The following CERS5 variants were observed in gnomAD, a reference collection of about 807,000 sequenced individuals.
The protein encoded by CERS5 is LAG1 homolog, ceramide synthase 5.
A neutral mutation model predicts 58.9 loss-of-function variants in CERS5; 37 were observed. The observed-to-expected ratio is 0.63, with a 90% CI of 0.48 to 0.83. The LOEUF (loss-of-function observed/expected upper bound fraction) is 0.83. Among genes scored for constraint, CERS5 ranks in the 40% least tolerant of loss-of-function variants. CERS5 has a pLI of 0.00. For missense variants in CERS5, 398 were observed against 489.3 expected, an observed-to-expected ratio of 0.81 and a Z score of 1.76; for synonymous variants, 147 against 177.8, an observed-to-expected ratio of 0.83 and a Z score of 1.38.
rs1939451822 is a variant in CERS5 at position 50,162,794 on chromosome 12, G to T, written c.197+4307C>A. ...AATTTTTGTATTTTTAGTAGAGATG[G>T]GGTTTCACCATGTTAGCCAGGTTGG... On this transcript the variant is annotated intron_variant, in intron 1 of 9. Coordinates refer to ENST00000317551, the MANE Select transcript of CERS5 (RefSeq NM_147190.5). Among the ~76,000 whole-genome samples the T allele has an allele frequency of 2.0e-5, 3 of 152,186 alleles. No homozygotes were observed. In the South Asian group the frequency reaches 6.2e-4, roughly 32 times the overall value.
intron 1 of CERS5, among the ~76,000 whole-genome samples, chr12:50,163,698 T>C (rs1939556459): frequency 1.3e-5 from 2 of 152,042 alleles, no homozygotes; most frequent in African/African-American, 2.4e-5. Flanking sequence ...CAGGCTGAAG[T>C]ACAGTGGTTT....
chr12:50,155,057 C>T (rs754103588), intron 1 of CERS5, among the ~76,000 whole-genome samples: 4 of 151,936 alleles, frequency 2.6e-5, no homozygotes, highest in Non-Finnish European at 5.9e-5. Flanking sequence ...GGGGTTTCAC[C>T]GTGTTGGCCA....
At chr12:50,156,328 T>C (rs1256565515) in intron 1 of CERS5, among the ~76,000 whole-genome samples, 1 of 146,786 alleles carries the variant, frequency 6.8e-6, no homozygotes, top group East Asian at 2.0e-4. Flanking sequence ...GGCGTGAACC[T>C]GGGAGGCAGA....
chr12:50,148,503 G>T, intron 1 of CERS5: 1 of 320,382 alleles, frequency 3.1e-6, no homozygotes, highest in Non-Finnish European at 6.5e-6. Flanking sequence ...AGGCTGAGGT[G>T]AGAGGATCTC....
At chr12:50,138,475 G>A (rs538712530) in intron 5 of CERS5, 92 bp downstream of exon 5, 175 of 1,019,476 alleles carry the variant, frequency 1.7e-4, no homozygotes, top group Non-Finnish European at 2.4e-4. Context: ...CCAAGGAAAC[G>A]CACCATCTGT....
chr12:50,151,663 C>A (rs542909849), intron 1 of CERS5, among the ~76,000 whole-genome samples: 1 of 152,288 alleles, frequency 6.6e-6, no homozygotes, highest in African/African-American at 2.4e-5. Context: ...TTATTAAACA[C>A]CCACTTTGAG....
At chr12:50,143,757 G>C (rs549305878) in intron 2 of CERS5, 195 bp downstream of exon 2, 1 of 511,070 alleles carries the variant, frequency 2.0e-6, no homozygotes, top group Non-Finnish European at 3.5e-6. Flanking sequence ...TACTACGTAC[G>C]TAAACTTGAC....
At position 50,130,593 on chromosome 12, in the gene CERS5, G is replaced by C. The variant is rs1004000453; in HGVS notation, c.1131C>G (p.Ala377=). The C allele has an allele frequency of 1.2e-6, 2 of 1,612,464 alleles. No individual in the cohort carries two copies. Among genetic ancestry groups the C allele is most frequent in the African/African-American group, 2.7e-5 (2 of 74,906 alleles). ...SPCDSSSSNG[A]NRVNGHMGGS... ...CTCCCATGTGACCATTCACCCGATT[G>C]GCACCATTGCTGGAGCTACTGTCAC... is the stretch of plus-strand genomic sequence containing the variant. The change falls in exon 10 of 10, where the codon GCC becomes GCG. Residue 377 remains alanine (A), a synonymous_variant. Transcript: ENST00000317551.
At chr12:50,132,837 G>A (rs762262464) in intron 9 of CERS5, 297 of 1,151,138 alleles carry the variant, frequency 2.6e-4, no homozygotes, top group East Asian at 4.2e-4. Flanking sequence ...TAATGGCCCC[G>A]AAAAGTCAGG....
At position 50,136,047 on chromosome 12, in the gene CERS5, T is replaced by G. The variant is rs145289538; in HGVS notation, c.659A>C (p.His220Pro). The change falls in exon 7 of 10, where the codon CAT becomes CCT. Residue 220 changes from histidine (H) to proline (P), a missense_variant. By Grantham distance (77) the His-to-Pro change is moderately conservative (BLOSUM62 -2). This residue lies in a region of CERS5 where 328 missense variants were observed against 384.5 expected (regional missense o/e 0.85). Coordinates refer to ENST00000317551, the MANE Select transcript of CERS5 (RefSeq NM_147190.5). The part of the protein sequence containing the change: ...KRKDFLIMFV[H>P]HLVTIGLISF... Reference sequence around the variant, plus strand: ...GATAAGCCCAATGGTGACCAAGTGATGCACAAACATGATCAGGAAGTCCTA... The same window carrying G: ...GATAAGCCCAATGGTGACCAAGTGAGGCACAAACATGATCAGGAAGTCCTA... 2.0e-6 allele frequency: 3 copies of G among 1,501,268 alleles called. No individual in the cohort carries two copies. The highest frequency in any genetic ancestry group is 2.7e-6 in the Non-Finnish European group (3 of 1,128,146). 93.0% of individuals were successfully genotyped at this position (1,501,268 alleles called of 1,614,324 possible). A position where few individuals can be genotyped will look rare whatever the true frequency, so the allele number is the denominator to read the frequency against.
At chr12:50,132,955 C>A in intron 9 of CERS5, 1 of 1,288,964 alleles carries the variant, frequency 7.8e-7, no homozygotes, top group Non-Finnish European at 1.0e-6. Flanking sequence ...AGCACAGATA[C>A]ACTTACATGC....
chr12:50,134,569 A>G lies in CERS5; in HGVS notation c.1006T>C (p.Leu336=). 6.2e-7 allele frequency: 1 copy of G among 1,614,150 alleles called. No individual in the cohort carries two copies. The highest frequency in any genetic ancestry group is 8.5e-7 in the Non-Finnish European group (1 of 1,180,024). ...IWSYLIARIA[L]KALIRGKVSK... is the part of the protein sequence containing the mutation. ...ACCTTTCCCCTGATCAAGGCTTTCA[A>G]AGCAATCCGTGCAATTAGGTAGGAC... The change falls in exon 9 of 10, where the codon TTG becomes CTG. Residue 336 remains leucine (L), a synonymous_variant. Coordinates refer to ENST00000317551, the MANE Select transcript of CERS5 (RefSeq NM_147190.5).
intron 1 of CERS5, among the ~76,000 whole-genome samples, chr12:50,149,137 T>C (rs1381486360): frequency 6.6e-6 from 1 of 151,970 alleles, no homozygotes; most frequent in African/African-American, 2.4e-5. Context: ...GATCATAGTT[T>C]GAAAACTGCT....
At position 50,134,070 on chromosome 12, in the gene CERS5, T is replaced by TGAA. The variant is rs796165226; in HGVS notation, c.1029+473_1029+475dup. 9.0e-3 allele frequency: 232 copies of TGAA among 25,790 alleles called. No individual in the cohort carries two copies. The African/African-American group carries it at 0.17, about 19-fold the overall frequency. 1.6% of individuals were successfully genotyped at this position (25,790 alleles called of 1,614,324 possible). A position where few individuals can be genotyped will look rare whatever the true frequency, so the allele number is the denominator to read the frequency against. On this transcript the variant is annotated intron_variant, in intron 9 of 9. Transcript: ENST00000317551. ...CTGGGCAACAGAGCGAGATTCCATC[T>TGAA]GAAAAAAAAAAAAAAAAAAGGTAAA...
At chr12:50,135,231 CAGGG>C (rs1457884655) in intron 8 of CERS5, among the ~76,000 whole-genome samples, 2 of 35,470 alleles carry the variant, frequency 5.6e-5, no homozygotes, top group African/African-American at 2.7e-4. Context: ...GAGAGGAGGA[CAGGG>C]AGGGAGAGAG....
At position 50,156,567 on chromosome 12, in the gene CERS5, C is replaced by A. The variant is rs141766902; in HGVS notation, c.197+10534G>T. Among the ~76,000 whole-genome samples, 14 of 151,148 alleles carry A rather than the reference C, an allele frequency of 9.3e-5. 1 individual carries two copies. Among genetic ancestry groups the A allele is most frequent in the East Asian group, 3.9e-4 (2 of 5,156 alleles). On this transcript the variant is annotated intron_variant, in intron 1 of 9. Coordinates refer to ENST00000317551, the MANE Select transcript of CERS5 (RefSeq NM_147190.5). ...TCATGATCATGCCATTGCATTCCAG[C>A]GTGGCTGACAGAGTGAAGCTTAATA...
chr12:50,133,302 C>T, intron 9 of CERS5: 5 of 1,071,918 alleles, frequency 4.7e-6, no homozygotes, highest in South Asian at 2.9e-5. Flanking sequence ...CCTTTGACTA[C>T]AGTCTGACTG....
intron 1 of CERS5, among the ~76,000 whole-genome samples, chr12:50,150,156 T>A (rs1005868912): frequency 2.6e-5 from 4 of 152,180 alleles, no homozygotes; most frequent in African/African-American, 9.6e-5. Flanking sequence ...GAACAGGAGT[T>A]TAAGACCAGT....
chr12:50,158,448 AT>A (rs1938904695), intron 1 of CERS5, among the ~76,000 whole-genome samples: 1 of 152,204 alleles, frequency 6.6e-6, no homozygotes, highest in South Asian at 2.1e-4. Context: ...ACCATCACAT[AT>A]AGTTTGATAT....
Sources: allele counts gnomAD v4.1 joint callset (sites outside exome capture counted in the v4.1 genomes callset), GRCh38; gene constraint gnomAD v4.1.1; regional missense constraint gnomAD v4.1.1; transcripts MANE v1.5; gene names NCBI Gene and HGNC (gene_info 2026-07-23, HGNC 2026-07-21).